The following CDH8 variants were observed in gnomAD, a reference collection of about 807,000 sequenced individuals.
CDH8 encodes the protein cadherin 8, also known as cadherin-8.
Under a neutral mutation model 68.1 loss-of-function variants are expected in CDH8, and 17 were observed. The observed-to-expected ratio is 0.25, with a 90% CI of 0.17 to 0.37. The LOEUF (loss-of-function observed/expected upper bound fraction) is 0.37. CDH8 is among the 10% of genes least tolerant of loss of function. The pLI, the probability that CDH8 is intolerant of heterozygous loss-of-function variation, is 1.00. For missense variants in CDH8, 763 were observed against 999.3 expected (o/e 0.76, Z 3.19); for synonymous variants, 372 against 365.1 (o/e 1.02, Z -0.21).
intron 4 of CDH8, among the ~76,000 whole-genome samples, chr16:61,856,849 T>C (rs2143015466): frequency 6.6e-6 from 1 of 152,268 alleles, no homozygotes; most frequent in South Asian, 2.1e-4. Context: ...TTCTCTGATA[T>C]ATAAGCACAT....
At chr16:61,768,120 A>C (rs1321170262) in intron 8 of CDH8, among the ~76,000 whole-genome samples, 2 of 151,936 alleles carry the variant, frequency 1.3e-5, no homozygotes. Context: ...TTATTTAAGT[A>C]AGCATATATT....
intron 4 of CDH8, among the ~76,000 whole-genome samples, chr16:61,852,852 C>CCCTTCCTTCCTTCCTTCCTT (rs138549766): frequency 0.013 from 1,727 of 133,124 alleles, 24 homozygotes; most frequent in Non-Finnish European, 0.014. Context: ...CCTGACTCTG[C>CCCTTCCTTCCTTCCTTCCTT]CCTTCCTTCC....
At chr16:61,764,889 T>G (rs2142976705) in intron 8 of CDH8, among the ~76,000 whole-genome samples, 1 of 152,178 alleles carries the variant, frequency 6.6e-6, no homozygotes, top group East Asian at 1.9e-4. Flanking sequence ...AGTGGTTTGG[T>G]CAAGCTTCCT....
intron 1 of CDH8, among the ~76,000 whole-genome samples, chr16:62,023,707 G>A (rs945191071): frequency 1.3e-5 from 2 of 152,144 alleles, no homozygotes; most frequent in African/African-American, 4.8e-5. Context: ...CTTCCCTATG[G>A]TGGAGGATGA....
chr16:61,925,036 A>C (rs1487376896), intron 2 of CDH8, among the ~76,000 whole-genome samples: 1 of 152,204 alleles, frequency 6.6e-6, no homozygotes, highest in Non-Finnish European at 1.5e-5. Flanking sequence ...CTCCTAAAAT[A>C]AAGTGTTGAC....
At chr16:61,814,978 A>C (rs1567482894) in intron 7 of CDH8, among the ~76,000 whole-genome samples, 2 of 152,288 alleles carry the variant, frequency 1.3e-5, no homozygotes, top group East Asian at 3.9e-4. Context: ...AGCCAGGTTT[A>C]ATAAAAAATG....
intron 7 of CDH8, among the ~76,000 whole-genome samples, chr16:61,802,101 G>T (rs2142997288): frequency 7.1e-6 from 1 of 140,616 alleles, no homozygotes; most frequent in Admixed American, 7.0e-5. Context: ...GGTTCTCCCA[G>T]CACACAGCTG....
chr16:61,817,729 G>A lies in CDH8; in HGVS notation c.1027C>T (p.Leu343=), dbSNP rs764801471. Residue 343 remains leucine, a synonymous_variant, in exon 7 of 12, where the codon CTG becomes TTG. Coordinates refer to ENST00000577390, the MANE Select transcript of CDH8 (RefSeq NM_001796.5). ...QDGIIRLRKP[L]DFETKKSYTL... ...TAGGATTTTTTGGTCTCAAAGTCCA[G>A]AGGCTGTTAAGAAATGACAAAGATA... 30 of 1,555,952 alleles carry A rather than the reference G, an allele frequency of 1.9e-5. No individual in the cohort carries two copies. The highest frequency in any genetic ancestry group is 2.5e-5 in the Non-Finnish European group (29 of 1,154,816).
In CDH8 at chr16:61,707,471, CT is replaced by C. The variant is rs1191312769; in HGVS notation, c.1654+6369del. Among the ~76,000 whole-genome samples, 8 of 152,206 alleles carry C rather than the reference CT, an allele frequency of 5.3e-5. No individual in the cohort carries two copies. In the South Asian group the frequency reaches 8.3e-4, roughly 16 times the overall value. ...TGCTATTATATATTCCATAGTGTCT[CT>C]CCCTTATGTTTCATTCTAATTCATC... is the stretch of plus-strand genomic sequence containing the variant. On this transcript the variant is annotated intron_variant, in intron 10 of 11. Transcript: ENST00000577390.
intron 2 of CDH8, among the ~76,000 whole-genome samples, chr16:62,009,200 G>C (rs954732763): frequency 1.3e-5 from 2 of 152,138 alleles, no homozygotes; most frequent in African/African-American, 4.8e-5. Flanking sequence ...CAGAGTATTT[G>C]CTAAAGGCAT....
At chr16:61,892,574 C>T (rs1349529693) in intron 3 of CDH8, among the ~76,000 whole-genome samples, 2 of 151,972 alleles carry the variant, frequency 1.3e-5, no homozygotes, top group African/African-American at 4.8e-5. Context: ...ATGTTGCCAC[C>T]GATCTATTCT....
intron 3 of CDH8, among the ~76,000 whole-genome samples, chr16:61,888,523 CT>C (rs1203862665): frequency 1.3e-5 from 2 of 152,108 alleles, no homozygotes; most frequent in Admixed American, 1.3e-4. Flanking sequence ...TGGGGAGCCC[CT>C]ATTCTCATCT....
At chr16:62,019,337 C>G (rs977094777) in intron 2 of CDH8, among the ~76,000 whole-genome samples, 3 of 152,152 alleles carry the variant, frequency 2.0e-5, no homozygotes, top group African/African-American at 7.2e-5. Flanking sequence ...GCATTTCCAA[C>G]AGGATTCAAA....
Position 61,871,704 on chromosome 16 carries a change from C to T in CDH8, c.548-14466G>A, listed in dbSNP as rs190625590. On this transcript the variant is annotated intron_variant, in intron 3 of 11. Coordinates refer to ENST00000577390, the MANE Select transcript of CDH8 (RefSeq NM_001796.5). ...ACAACAAAAAGCTAAAATGTTGAGGCCACTGGCCTGGGTCCCAATAATCAA... is the reference window on the plus strand; with the variant it reads ...ACAACAAAAAGCTAAAATGTTGAGGTCACTGGCCTGGGTCCCAATAATCAA... Among the ~76,000 whole-genome samples, 21 of 150,366 alleles carry T rather than the reference C, an allele frequency of 1.4e-4. No homozygotes were observed. In the East Asian group the frequency reaches 4.1e-3, roughly 30 times the overall value.
intron 3 of CDH8, among the ~76,000 whole-genome samples, chr16:61,887,770 T>A (rs2143172549): frequency 6.6e-6 from 1 of 152,268 alleles, no homozygotes; most frequent in South Asian, 2.1e-4. Context: ...TGTATTTACA[T>A]TTTTTACTGT....
At chr16:61,743,634 A>C (rs1959937477) in intron 8 of CDH8, among the ~76,000 whole-genome samples, 1 of 152,052 alleles carries the variant, frequency 6.6e-6, no homozygotes, top group Non-Finnish European at 1.5e-5. Context: ...ACTATCATAC[A>C]TTTATTCTCA....
intron 2 of CDH8, among the ~76,000 whole-genome samples, chr16:61,907,074 A>C (rs1364167519): frequency 1.3e-5 from 2 of 152,216 alleles, no homozygotes; most frequent in East Asian, 1.9e-4. Flanking sequence ...ATTGTGAAAA[A>C]ATAATGCAAA....
At chr16:61,955,710 C>A (rs1437604638) in intron 2 of CDH8, among the ~76,000 whole-genome samples, 1 of 152,090 alleles carries the variant, frequency 6.6e-6, no homozygotes, top group Non-Finnish European at 1.5e-5. Flanking sequence ...GAAATCCTAG[C>A]AGGAAGGATG....
At chr16:61,749,075 T>C (rs1960094292) in intron 8 of CDH8, among the ~76,000 whole-genome samples, 1 of 151,968 alleles carries the variant, frequency 6.6e-6, no homozygotes, top group Admixed American at 6.6e-5. Context: ...TAAGGCAGAG[T>C]AGCAAATTCA....
Sources: allele counts gnomAD v4.1 joint callset (sites outside exome capture counted in the v4.1 genomes callset), GRCh38; gene constraint gnomAD v4.1.1; transcripts MANE v1.5; gene names NCBI Gene and HGNC (gene_info 2026-07-23, HGNC 2026-07-21).